Variants in GFM1 observed in about 807,000 individuals in gnomAD.
GFM1 encodes elongation factor G, mitochondrial.
In GFM1, 62 loss-of-function variants were observed where a neutral mutation model predicts 96.2. That is an observed-to-expected ratio of 0.64 (90% CI 0.53 to 0.80). The LOEUF is 0.80. Among genes scored for constraint, GFM1 ranks in the 30% least tolerant of loss-of-function variants. The pLI, the probability that GFM1 is intolerant of heterozygous loss-of-function variation, is 0.00. For missense variants in GFM1, 852 were observed against 916.6 expected (o/e 0.93, Z 0.91); for synonymous variants, 282 against 312.9 (o/e 0.90, Z 1.04).
Position 158,681,882 on chromosome 3 carries a change from C to A in GFM1, c.1602-113C>A, listed in dbSNP as rs1181136108. 4 of 891,036 alleles carry A rather than the reference C, an allele frequency of 4.5e-6. No homozygotes were observed. The East Asian group carries it at 7.9e-5, about 18-fold the overall frequency. The allele number at this position is 891,036 out of a possible 1,614,324, so 55.2% of individuals were successfully genotyped here. On this transcript the variant is annotated intron_variant, in intron 13 of 17. Coordinates refer to ENST00000486715, the MANE Select transcript of GFM1 (RefSeq NM_024996.7). ...CAATAAACTTTTATAGCAAGACCAT[C>A]ATATTCAAATGAAAAAGTAAAAATA...
chr3:158,674,241 T>C (rs1724672824), intron 13 of GFM1, among the ~76,000 whole-genome samples: 1 of 151,938 alleles, frequency 6.6e-6, no homozygotes, highest in South Asian at 2.1e-4. Flanking sequence ...TCACCACACC[T>C]GGCTAATTTT....
At chr3:158,682,671 G>A (rs1161887940) in intron 14 of GFM1, among the ~76,000 whole-genome samples, 1 of 152,130 alleles carries the variant, frequency 6.6e-6, no homozygotes, top group Non-Finnish European at 1.5e-5. Context: ...CATTTCCTTG[G>A]AGAAGTGCTT....
At chr3:158,651,051 A>G (rs930217844) in intron 5 of GFM1, 6 of 149,858 alleles carry the variant, frequency 4.0e-5, no homozygotes, top group African/African-American at 1.2e-4. Context: ...AAAAAGAAAT[A>G]CCTTGAAAAA....
At chr3:158,680,156 A>AGC (rs1725245841) in intron 13 of GFM1, among the ~76,000 whole-genome samples, 1 of 152,166 alleles carries the variant, frequency 6.6e-6, no homozygotes, top group African/African-American at 2.4e-5. Context: ...TTCTTTTTCA[A>AGC]TTAAAAAAAA....
At chr3:158,667,074 G>T in intron 13 of GFM1, 1 of 1,578,338 alleles carries the variant, frequency 6.3e-7, no homozygotes, top group Non-Finnish European at 8.6e-7. Flanking sequence ...TCATTTCTTT[G>T]CTATGACAAA....
chr3:158,684,311 A>G (rs1725649890), intron 14 of GFM1, among the ~76,000 whole-genome samples: 1 of 152,178 alleles, frequency 6.6e-6, no homozygotes. Flanking sequence ...ACATAAGTTT[A>G]CCTATGTAAC....
intron 1 of GFM1, among the ~76,000 whole-genome samples, chr3:158,645,216 C>A (rs182016927): frequency 1.8e-3 from 267 of 152,128 alleles, no homozygotes; most frequent in Non-Finnish European, 2.7e-3. Flanking sequence ...CATATAAGTT[C>A]TCAAACATAT....
intron 10 of GFM1, among the ~76,000 whole-genome samples, chr3:158,661,533 T>G (rs1723198536): frequency 6.6e-6 from 1 of 152,202 alleles, no homozygotes; most frequent in Admixed American, 6.5e-5. Flanking sequence ...GCCTGCCCTT[T>G]GGAACTCAGA....
chr3:158,671,041 G>A, intron 13 of GFM1: 2 of 1,501,414 alleles, frequency 1.3e-6, no homozygotes, highest in Non-Finnish European at 1.8e-6. Flanking sequence ...AAAATGTAGT[G>A]GAGACAAGAA....
In GFM1 at chr3:158,646,854, G is replaced by A. The variant is rs138103784; in HGVS notation, c.479G>A (p.Arg160His). 9.9e-6 allele frequency: 16 copies of A among 1,614,108 alleles called. No homozygotes were observed. The East Asian group carries it at 1.3e-4, about 13-fold the overall frequency. The change falls in exon 4 of 18, where the codon CGT (arginine) becomes CAT (histidine). Residue 160 changes from arginine to histidine, a missense_variant. By Grantham distance (29) the Arg-to-His change is conservative. Transcript: ENST00000486715. ...CAGTGCCAGACCATGACTGTCAATC[G>A]TCAGATGAAGCGCTACAACGTTCCG... ...GVQCQTMTVN[R>H]QMKRYNVPFL... is the part of the protein sequence containing the mutation.
intron 11 of GFM1, among the ~76,000 whole-genome samples, chr3:158,664,647 G>C (rs1410406212): frequency 6.6e-6 from 1 of 152,204 alleles, no homozygotes; most frequent in African/African-American, 2.4e-5. Flanking sequence ...ATGTTTGAAA[G>C]GCACACATGA....
intron 13 of GFM1, among the ~76,000 whole-genome samples, chr3:158,678,591 A>G (rs1437719091): frequency 6.6e-6 from 1 of 152,378 alleles, no homozygotes; most frequent in African/African-American, 2.4e-5. Context: ...CTACAATTTC[A>G]TGTTCAAACT....
Position 158,662,630 on chromosome 3 carries a change from G to A in GFM1, c.1326G>A (p.Glu442=), listed in dbSNP as rs779417991. 4 of 1,583,420 alleles carry A rather than the reference G, an allele frequency of 2.5e-6. No homozygotes were observed. The highest frequency in any genetic ancestry group is 3.5e-6 in the Non-Finnish European group (4 of 1,152,908). The part of the protein sequence containing the change: ...TDKANSGLSM[E]SIHVPDPVIS... ...TTTTCTTTTAAAAAATATTTTAGGA[G>A]TCAATTCATGTTCCTGATCCTGTCA... Residue 442 remains glutamate, a splice_region_variant and synonymous_variant, in exon 11 of 18, where the codon GAG becomes GAA. Transcript: ENST00000486715.
chr3:158,676,411 AATAAAT>A (rs948058553), intron 13 of GFM1, among the ~76,000 whole-genome samples: 3 of 152,198 alleles, frequency 2.0e-5, no homozygotes, highest in African/African-American at 7.2e-5. Context: ...AAAACATGAA[AATAAAT>A]ATATATGTAC....
chr3:158,682,365 G>A, intron 14 of GFM1: 1 of 539,508 alleles, frequency 1.9e-6, no homozygotes, highest in Non-Finnish European at 3.3e-6. Flanking sequence ...ACAATGATGG[G>A]AAATTATTAT....
chr3:158,695,483 T>C lies in GFM1; in HGVS notation c.*4016T>C, dbSNP rs1726510855. 1 of 152,258 alleles carries C rather than the reference T, an allele frequency of 6.6e-6. No homozygotes were observed. Among genetic ancestry groups the C allele is most frequent in the Admixed American group, 6.5e-5 (1 of 15,288 alleles). 9.4% of individuals were successfully genotyped at this position (152,258 alleles called of 1,614,324 possible). A position where few individuals can be genotyped will look rare whatever the true frequency, so the allele number is the denominator to read the frequency against. The stretch of plus-strand genomic sequence containing the variant: ...TTTTGGGTTTTGTAAATTAATAAAT[T>C]AGGTAATTGTGTTTGTATATTATTT... On this transcript the variant is annotated 3_prime_UTR_variant, in exon 18 of 18. Coordinates refer to ENST00000486715, the MANE Select transcript of GFM1 (RefSeq NM_024996.7).
intron 16 of GFM1, chr3:158,690,544 G>A: frequency 1.8e-6 from 1 of 545,832 alleles, no homozygotes; most frequent in South Asian, 2.1e-5. Context: ...TTTCTTAGAT[G>A]TATATTATCT....
chr3:158,658,900 C>T, intron 8 of GFM1, 22 bp from the exon 9 acceptor site: 1 of 1,613,566 alleles, frequency 6.2e-7, no homozygotes. Context: ...TCTTCCTGCC[C>T]TTACCCAATC....
In GFM1 at chr3:158,689,747, CAAAA is replaced by C. The variant is rs202180927; in HGVS notation, c.1910-403_1910-400del. On this transcript the variant is annotated intron_variant, in intron 15 of 17. Transcript: ENST00000486715. Reference sequence around the variant, plus strand: ...CCCCATTGTAATCTAGCTTGGGTGACAAAAAAAAAAAAAAAAGAAAGAATGGGTT... The same window carrying C: ...CCCCATTGTAATCTAGCTTGGGTGACAAAAAAAAAAAAGAAAGAATGGGTT... Among the ~76,000 whole-genome samples the C allele has an allele frequency of 5.4e-3, 500 of 92,306 alleles. 2 individuals carry two copies. Among genetic ancestry groups the C allele is most frequent in the African/African-American group, 0.017 (458 of 26,644 alleles). The allele number at this position is 92,306 out of a possible 152,430, so 60.6% of individuals were successfully genotyped here.
Sources: gnomAD v4.1 joint callset for allele counts (sites outside exome capture counted in the v4.1 genomes callset) on GRCh38, gnomAD v4.1.1 for gene constraint, MANE v1.5 for transcripts, NCBI Gene and HGNC (gene_info 2026-07-23, HGNC 2026-07-21) for gene names.